The following NLGN1 variants were observed in gnomAD, a reference collection of about 807,000 sequenced individuals.
NLGN1 encodes neuroligin-1.
A neutral mutation model predicts 65.5 loss-of-function variants in NLGN1; 12 were observed. The ratio of observed to expected loss-of-function variants is 0.18; its 90% CI spans 0.12 to 0.30. NLGN1 has a LOEUF of 0.30. Ranked by LOEUF, NLGN1 falls within the 10% of genes least tolerant of loss-of-function variation. The pLI, the probability that NLGN1 is intolerant of heterozygous loss-of-function variation, is 1.00. For missense variants in NLGN1, 750 were observed against 1,007.1 expected, an observed-to-expected ratio of 0.74 and a Z score of 3.46; for synonymous variants, 350 against 359.5, an observed-to-expected ratio of 0.97 and a Z score of 0.30.
intron 3 of NLGN1, among the ~76,000 whole-genome samples, chr3:173,723,747 G>T (rs916489196): frequency 2.9e-4 from 44 of 152,154 alleles, no homozygotes; most frequent in African/African-American, 1.0e-3. Flanking sequence ...AAGAAGTCAT[G>T]ATTTACTTAA....
At chr3:173,405,511 CA>C (rs1718466094) in intron 1 of NLGN1, among the ~76,000 whole-genome samples, 1 of 151,990 alleles carries the variant, frequency 6.6e-6, no homozygotes, top group African/African-American at 2.4e-5. Context: ...TTTAATTATA[CA>C]TGATCCTCGT....
At chr3:173,657,104 T>C (rs917269368) in intron 3 of NLGN1, among the ~76,000 whole-genome samples, 1 of 152,048 alleles carries the variant, frequency 6.6e-6, no homozygotes, top group African/African-American at 2.4e-5. Context: ...CTAACTCTTA[T>C]AAGGAGGTTG....
At chr3:173,960,603 T>A (rs1330101247) in intron 4 of NLGN1, among the ~76,000 whole-genome samples, 1 of 151,984 alleles carries the variant, frequency 6.6e-6, no homozygotes, top group Non-Finnish European at 1.5e-5. Context: ...ACTATAATTT[T>A]AAAAAATTTT....
At chr3:174,030,525 G>A (rs952086384) in intron 4 of NLGN1, among the ~76,000 whole-genome samples, 1 of 152,292 alleles carries the variant, frequency 6.6e-6, no homozygotes, top group Admixed American at 6.5e-5. Flanking sequence ...CGTGTAAGCT[G>A]TGTCTGATTC....
At chr3:173,853,503 G>A (rs562026825) in intron 4 of NLGN1, among the ~76,000 whole-genome samples, 332 of 152,170 alleles carry the variant, frequency 2.2e-3, no homozygotes, top group Middle Eastern at 0.017. Context: ...AAAAATAAGT[G>A]TAACAAATAC....
chr3:173,861,683 T>C (rs1729140328), intron 4 of NLGN1, among the ~76,000 whole-genome samples: 1 of 151,802 alleles, frequency 6.6e-6, no homozygotes, highest in Non-Finnish European at 1.5e-5. Context: ...CAATTTAAAA[T>C]AGAAACTTTT....
intron 2 of NLGN1, among the ~76,000 whole-genome samples, chr3:173,453,100 CT>C (rs536453214): frequency 1.0e-3 from 147 of 141,442 alleles, no homozygotes; most frequent in Non-Finnish European, 1.0e-3. Flanking sequence ...CTTTTCTTTT[CT>C]TTTTTTTTTT....
At chr3:174,162,850 G>A (rs545188241) in intron 4 of NLGN1, among the ~76,000 whole-genome samples, 2 of 151,514 alleles carry the variant, frequency 1.3e-5, no homozygotes, top group African/African-American at 2.4e-5. Flanking sequence ...AAAAAAAATC[G>A]CTTTAATTCT....
chr3:173,642,165 A>G (rs1281747259), intron 3 of NLGN1, among the ~76,000 whole-genome samples: 2 of 152,182 alleles, frequency 1.3e-5, no homozygotes, highest in Non-Finnish European at 2.9e-5. Context: ...TAAATTAAAT[A>G]AATTATAGGA....
chr3:173,895,932 T>C (rs1200383045), intron 4 of NLGN1, among the ~76,000 whole-genome samples: 4 of 152,032 alleles, frequency 2.6e-5, no homozygotes, highest in Admixed American at 2.0e-4. Flanking sequence ...TCAGGTGATC[T>C]GCCCACCTTG....
chr3:173,991,691 C>A (rs573471790), intron 4 of NLGN1, among the ~76,000 whole-genome samples: 19 of 152,156 alleles, frequency 1.2e-4, no homozygotes, highest in Non-Finnish European at 1.0e-4. Context: ...TTCTTTCATA[C>A]CTCATTGAAG....
At chr3:173,843,090 A>G (rs1464892747) in intron 4 of NLGN1, among the ~76,000 whole-genome samples, 1 of 152,202 alleles carries the variant, frequency 6.6e-6, no homozygotes, top group Non-Finnish European at 1.5e-5. Flanking sequence ...GAAGCTGCCA[A>G]GGCTTGAGGC....
At chr3:174,185,740 G>C (rs1393142414) in intron 4 of NLGN1, among the ~76,000 whole-genome samples, 2 of 151,794 alleles carry the variant, frequency 1.3e-5, no homozygotes, top group Middle Eastern at 3.2e-3. Flanking sequence ...AAGAGAAATA[G>C]TGTGATTTGA....
chr3:174,037,568 A>G (rs924943161), intron 4 of NLGN1, among the ~76,000 whole-genome samples: 1 of 152,206 alleles, frequency 6.6e-6, no homozygotes, highest in African/African-American at 2.4e-5. Flanking sequence ...ATATTTACAT[A>G]GTGCCATCAC....
chr3:174,247,158 G>T (rs1743945687), intron 4 of NLGN1, among the ~76,000 whole-genome samples: 1 of 152,160 alleles, frequency 6.6e-6, no homozygotes, highest in Admixed American at 6.5e-5. Flanking sequence ...TAACATTTTT[G>T]AGGTATTATT....
intron 2 of NLGN1, among the ~76,000 whole-genome samples, chr3:173,482,328 C>T (rs1727431922): frequency 6.6e-6 from 1 of 151,788 alleles, no homozygotes; most frequent in African/African-American, 2.4e-5. Flanking sequence ...TTCCAGAGTA[C>T]TTTGGAAATT....
At chr3:173,833,143 C>T (rs1722926501) in intron 4 of NLGN1, among the ~76,000 whole-genome samples, 1 of 152,112 alleles carries the variant, frequency 6.6e-6, no homozygotes, top group Non-Finnish European at 1.5e-5. Flanking sequence ...AGTATATGTG[C>T]ATTTAAAATT....
Position 174,166,540 on chromosome 3 carries a change from A to G in NLGN1, c.647-108775A>G, listed in dbSNP as rs547584837. 2.6e-5 allele frequency among the ~76,000 whole-genome samples: 4 copies of G among 152,172 alleles called. No homozygotes were observed. The East Asian group carries it at 7.7e-4, about 29-fold the overall frequency. On this transcript the variant is annotated intron_variant, in intron 4 of 6. Coordinates refer to ENST00000457714, the Ensembl canonical transcript of NLGN1. ...TCTATTTTTACTTCACCATGGTCCA[A>G]GAGTGTGGTTGGTATGATTTTGATT...
intron 3 of NLGN1, 24 bp from the exon 4 acceptor site, chr3:173,807,656 G>A (rs752824838): frequency 3.0e-5 from 49 of 1,609,234 alleles, no homozygotes; most frequent in Admixed American, 1.2e-4. Context: ...GGATAAGAAC[G>A]ATTGCCAACC....
Sources: gnomAD v4.1 joint callset for allele counts (sites outside exome capture counted in the v4.1 genomes callset) on GRCh38, gnomAD v4.1.1 for gene constraint, MANE v1.5 for transcripts, NCBI Gene and HGNC (gene_info 2026-07-23, HGNC 2026-07-21) for gene names.